PRICKLE2: variants seen among roughly 807,000 people sequenced by gnomAD.
PRICKLE2 encodes prickle planar cell polarity protein 2.
Under a neutral mutation model 81.4 loss-of-function variants are expected in PRICKLE2, and 21 were observed. The ratio of observed to expected loss-of-function variants is 0.26; its 90% CI spans 0.18 to 0.37. The LOEUF (loss-of-function observed/expected upper bound fraction) is 0.37, where lower values mean the gene tolerates loss of function less well. PRICKLE2 is among the 10% of genes least tolerant of loss of function. The pLI is 1.00. For missense variants in PRICKLE2, 940 were observed against 1,109.0 expected, an observed-to-expected ratio of 0.85 and a Z score of 2.16; for synonymous variants, 456 against 421.5, an observed-to-expected ratio of 1.08 and a Z score of -1.00.
At chr3:64,241,107 A>G (rs185563808) in intron 2 of PRICKLE2, among the ~76,000 whole-genome samples, 1 of 152,344 alleles carries the variant, frequency 6.6e-6, no homozygotes, top group Admixed American at 6.5e-5. Flanking sequence ...CTGTCATAGA[A>G]TGCAAGCTGT....
At chr3:64,208,133 C>A (rs1396368630) in intron 1 of PRICKLE2, among the ~76,000 whole-genome samples, 1 of 152,160 alleles carries the variant, frequency 6.6e-6, no homozygotes, top group African/African-American at 2.4e-5. Flanking sequence ...GTAAAGAGAG[C>A]TTTTTCTAGA....
At position 64,163,190 on chromosome 3, in the gene PRICKLE2, C is replaced by T. The variant is rs966041129; in HGVS notation, c.145-61G>A. The T allele has an allele frequency of 1.0e-5, 10 of 977,086 alleles. No individual in the cohort carries two copies. In the African/African-American group the frequency reaches 1.4e-4, roughly 14 times the overall value. 60.5% of individuals were successfully genotyped at this position (977,086 alleles called of 1,614,324 possible). A position where few individuals can be genotyped will look rare whatever the true frequency, so the allele number is the denominator to read the frequency against. On this transcript the variant is annotated intron_variant, in intron 2 of 7. Coordinates refer to ENST00000638394, the MANE Select transcript of PRICKLE2 (RefSeq NM_198859.4). Reference sequence around the variant, plus strand: ...TACTCAAACCATGTGCCTATTCCCACTTACTGGGAAGATGATTCCCCCAGC... The same window carrying T: ...TACTCAAACCATGTGCCTATTCCCATTTACTGGGAAGATGATTCCCCCAGC...
At chr3:64,132,524 A>G (rs1316403349) in intron 7 of PRICKLE2, among the ~76,000 whole-genome samples, 1 of 152,220 alleles carries the variant, frequency 6.6e-6, no homozygotes, top group African/African-American at 2.4e-5. Flanking sequence ...TGACCCACAG[A>G]AGGACTAGTC....
At chr3:64,127,432 T>C (rs778822002) in intron 7 of PRICKLE2, among the ~76,000 whole-genome samples, 62 of 152,272 alleles carry the variant, frequency 4.1e-4, no homozygotes, top group Non-Finnish European at 8.1e-4. Flanking sequence ...GTGAGTATCT[T>C]CCATGGGCAA....
chr3:64,132,636 A>C (rs1243467495), intron 7 of PRICKLE2, among the ~76,000 whole-genome samples: 1 of 152,230 alleles, frequency 6.6e-6, no homozygotes, highest in Non-Finnish European at 1.5e-5. Context: ...AACAACTCAG[A>C]ATCAAAAATT....
At chr3:64,249,417 C>T (rs1489580532) in intron 2 of PRICKLE2, among the ~76,000 whole-genome samples, 2 of 152,124 alleles carry the variant, frequency 1.3e-5, no homozygotes, top group Non-Finnish European at 2.9e-5. Flanking sequence ...TGGGTGGGGA[C>T]ACAGAGCCAA....
At chr3:64,213,102 AT>A (rs148819337) in intron 1 of PRICKLE2, among the ~76,000 whole-genome samples, 3 of 140,352 alleles carry the variant, frequency 2.1e-5, no homozygotes, top group Non-Finnish European at 4.6e-5. Flanking sequence ...TTGAGATGGA[AT>A]TTTTCTTTTG....
chr3:64,103,660 A>G (rs2076704220), intron 7 of PRICKLE2, among the ~76,000 whole-genome samples: 1 of 152,222 alleles, frequency 6.6e-6, no homozygotes, highest in Non-Finnish European at 1.5e-5. Context: ...TGTGTAAATT[A>G]TATCTCAATA....
At chr3:64,117,160 TA>T (rs1359769533) in intron 7 of PRICKLE2, among the ~76,000 whole-genome samples, 1 of 152,156 alleles carries the variant, frequency 6.6e-6, no homozygotes, top group Non-Finnish European at 1.5e-5. Flanking sequence ...TCTTCTCATG[TA>T]AAAAACTTTC....
At chr3:64,193,499 C>A (rs886419390) in intron 2 of PRICKLE2, among the ~76,000 whole-genome samples, 6 of 152,254 alleles carry the variant, frequency 3.9e-5, no homozygotes, top group East Asian at 3.9e-4. Flanking sequence ...TATACTGATG[C>A]AGAAAAATGT....
chr3:64,253,021 A>C (rs1169001332), intron 2 of PRICKLE2, among the ~76,000 whole-genome samples: 3 of 152,178 alleles, frequency 2.0e-5, no homozygotes, highest in African/African-American at 7.2e-5. Flanking sequence ...TCCAGTTCCA[A>C]CTTTCCATAA....
chr3:64,173,651 A>G (rs1403209303), intron 2 of PRICKLE2, among the ~76,000 whole-genome samples: 1 of 152,172 alleles, frequency 6.6e-6, no homozygotes, highest in Non-Finnish European at 1.5e-5. Flanking sequence ...TAAAAAGTAA[A>G]AAGAGCAGTA....
intron 2 of PRICKLE2, among the ~76,000 whole-genome samples, chr3:64,183,356 G>C (rs937749106): frequency 6.6e-6 from 1 of 151,884 alleles, no homozygotes; most frequent in Non-Finnish European, 1.5e-5. Flanking sequence ...AATTTTAAAA[G>C]TTATTTTATG....
chr3:64,171,150 A>C (rs1162702745), intron 2 of PRICKLE2, among the ~76,000 whole-genome samples: 1 of 152,120 alleles, frequency 6.6e-6, no homozygotes, highest in Non-Finnish European at 1.5e-5. Flanking sequence ...AGATATTTAC[A>C]TGGTGTCATC....
chr3:64,099,075 C>A lies in PRICKLE2; in HGVS notation c.2511G>T (p.Lys837Asn). ...ATTAAGAAATGATACAGTTTTTGCT[C>A]TTCTGTCTTTTCCTGCTGTGCAACT... ...RGQLHSRKRQ[K>N]SKNCIIS The change falls in exon 8 of 8, where the codon AAG becomes AAT. Residue 837 changes from lysine (K) to asparagine (N), a missense_variant. Around this residue, in one of 2 missense-constraint regions of PRICKLE2, gnomAD observed 670 missense variants for 717.2 expected, o/e 0.93. Coordinates refer to ENST00000638394, the MANE Select transcript of PRICKLE2 (RefSeq NM_198859.4). The surrounding 1 kb of genome is among the most constrained non-coding windows in gnomAD (Gnocchi z 4.3). The A allele has an allele frequency of 6.2e-7, 1 of 1,614,212 alleles. No homozygotes were observed. Among genetic ancestry groups the A allele is most frequent in the Non-Finnish European group, 8.5e-7 (1 of 1,180,042 alleles).
chr3:64,181,794 A>C (rs979085720), intron 2 of PRICKLE2, among the ~76,000 whole-genome samples: 18 of 152,214 alleles, frequency 1.2e-4, no homozygotes, highest in Admixed American at 6.5e-4. Flanking sequence ...GAAACTACCC[A>C]AAATTATATC....
intron 5 of PRICKLE2, among the ~76,000 whole-genome samples, chr3:64,155,434 T>C (rs564117616): frequency 4.6e-5 from 7 of 151,766 alleles, no homozygotes; most frequent in Non-Finnish European, 8.8e-5. Flanking sequence ...CATTCATTGA[T>C]AGCAGGAATG....
chr3:64,255,548 G>A (rs1389182625), intron 2 of PRICKLE2, among the ~76,000 whole-genome samples: 2 of 152,158 alleles, frequency 1.3e-5, no homozygotes, highest in Non-Finnish European at 2.9e-5. Context: ...AGAGGGAGAG[G>A]AGAGCCTGGA....
chr3:64,200,712 G>A (rs1575658612), intron 1 of PRICKLE2: 1 of 152,042 alleles, frequency 6.6e-6, no homozygotes, highest in South Asian at 2.1e-4. Context: ...GGCCGCCCAG[G>A]TTCAAGCAAT....
Sources: gnomAD v4.1 joint callset for allele counts (sites outside exome capture counted in the v4.1 genomes callset) on GRCh38, gnomAD v4.1.1 for gene constraint, gnomAD v4.1.1 regional missense constraint, Gnocchi (gnomAD v3.1) non-coding constraint, MANE v1.5 for transcripts, NCBI Gene and HGNC (gene_info 2026-07-23, HGNC 2026-07-21) for gene names.